The following CROCC2 variants were observed in gnomAD, a reference collection of about 807,000 sequenced individuals.
The protein encoded by CROCC2 is ciliary rootlet coiled-coil protein 2.
CROCC2 carries 163 observed loss-of-function variants against 177.6 expected under a neutral mutation model. The observed-to-expected ratio is 0.92, with a 90% CI of 0.81 to 1.05. The LOEUF (loss-of-function observed/expected upper bound fraction) is 1.05. Among genes scored for constraint, CROCC2 ranks in the 50% least tolerant of loss-of-function variants. The probability of loss-of-function intolerance (pLI) is 0.00; values close to 1 mark genes in which losing one functional copy is unlikely to be tolerated. For missense variants in CROCC2, 1,929 were observed against 1,797.8 expected, an observed-to-expected ratio of 1.07 and a Z score of -1.32; for synonymous variants, 904 against 787.3, an observed-to-expected ratio of 1.15 and a Z score of -2.48.
chr2:240,918,345 C>T lies in CROCC2; in HGVS notation c.79-381C>T, dbSNP rs115930768. ...TGTGAGACCACCTGCTCCAGGTGGG[C>T]GAGGATGTTGGGTTTCTTGTGGAGC... On this transcript the variant is annotated intron_variant, in intron 1 of 31. Coordinates refer to ENST00000690015, the MANE Select transcript of CROCC2 (RefSeq NM_001351305.2). This position sits in a 1 kb window ranked among gnomAD's most constrained non-coding sequence, Gnocchi z 6.3. 2.0e-5 allele frequency among the ~76,000 whole-genome samples: 3 copies of T among 152,298 alleles called. No individual in the cohort carries two copies. The highest frequency in any genetic ancestry group is 2.9e-5 in the Non-Finnish European group (2 of 68,022).
chr2:240,915,549 A>G (rs923497340), intron 1 of CROCC2, among the ~76,000 whole-genome samples: 4 of 152,174 alleles, frequency 2.6e-5, no homozygotes, highest in Non-Finnish European at 5.9e-5. Flanking sequence ...GTCTCTGTTT[A>G]TTGGTGGCAT....
At chr2:240,921,837 GC>G (rs1346446242) in intron 3 of CROCC2, among the ~76,000 whole-genome samples, 2 of 152,224 alleles carry the variant, frequency 1.3e-5, no homozygotes, top group East Asian at 3.9e-4. Flanking sequence ...CACAGCTGAG[GC>G]CCCAGGCCTG....
rs4076341 is a variant in CROCC2 at position 240,906,483 on chromosome 2, A to G, written c.-31A>G. The G allele has an allele frequency of 1.0e-5, 4 of 398,720 alleles. No individual in the cohort carries two copies. Among genetic ancestry groups the G allele is most frequent in the East Asian group, 7.1e-5 (2 of 28,070 alleles). The allele number at this position is 398,720 out of a possible 1,614,324, so 24.7% of individuals were successfully genotyped here. ...AGAACTGCCAGGTAGCAAAGCCCAGACTTCTCTGGGGTCCTGCGCTCTGGG... is the reference window on the plus strand; with the variant it reads ...AGAACTGCCAGGTAGCAAAGCCCAGGCTTCTCTGGGGTCCTGCGCTCTGGG... On this transcript the variant is annotated 5_prime_UTR_variant, in exon 1 of 32. Transcript: ENST00000690015.
intron 19 of CROCC2, 75 bp from the exon 20 acceptor site, chr2:240,959,226 G>C (rs1424577894): frequency 6.8e-7 from 1 of 1,475,606 alleles, no homozygotes; most frequent in Non-Finnish European, 9.0e-7. Flanking sequence ...CTCTCTCCAG[G>C]GTCCTGGCCT....
Position 240,959,409 on chromosome 2 carries a change from G to T in CROCC2, c.3052G>T (p.Asp1018Tyr), listed in dbSNP as rs1456596519. The T allele has an allele frequency of 3.2e-6, 5 of 1,550,394 alleles. No individual in the cohort carries two copies. The highest frequency in any genetic ancestry group is 4.4e-6 in the Non-Finnish European group (5 of 1,146,934). The change falls in exon 20 of 32, where the codon GAC becomes TAC. Residue 1018 changes from aspartate to tyrosine, a missense_variant. By Grantham distance (160) the Asp-to-Tyr change is radical. Transcript: ENST00000690015. Reference protein sequence around the residue: ...ETTALRESLQDLAAERGDVER... With the variant: ...ETTALRESLQYLAAERGDVER... ...CACGGCCCTACGCGAGAGCCTCCAG[G>T]ACCTAGCGGCTGAGCGGGGCGATGT...
chr2:240,966,436 C>G (rs1397136147), intron 25 of CROCC2, 27 bp downstream of exon 25: 3 of 400,070 alleles, frequency 7.5e-6, no homozygotes, highest in Non-Finnish European at 1.3e-5. Context: ...TCCTCCCGCC[C>G]ACGGCGGCAC....
At chr2:240,913,297 C>G (rs577332714) in intron 1 of CROCC2, among the ~76,000 whole-genome samples, 1 of 151,970 alleles carries the variant, frequency 6.6e-6, no homozygotes, top group Non-Finnish European at 1.5e-5. Flanking sequence ...CACATGGACA[C>G]AGTGCCCGGG....
chr2:240,957,941 G>A (rs2059604004), intron 19 of CROCC2: 1 of 983,276 alleles, frequency 1.0e-6, no homozygotes, highest in Non-Finnish European at 1.2e-6. Context: ...CCTGGGAGCT[G>A]ATGCCTCTGG....
intron 1 of CROCC2, among the ~76,000 whole-genome samples, chr2:240,907,018 T>A (rs571453655): frequency 6.6e-6 from 1 of 150,940 alleles, no homozygotes; most frequent in Non-Finnish European, 1.5e-5. Flanking sequence ...TTCAGGTGAC[T>A]GGCGTCCCTG....
Position 240,963,767 on chromosome 2 carries a change from A to G in CROCC2, c.3299A>G (p.Lys1100Arg). ...ACCATCTGCAGGGCCGAACAGGAGA[A>G]GGCCAGGTATGGCGGCCACCCAGGA... is the stretch of plus-strand genomic sequence containing the variant. ...RATICRAEQE[K>R]ASFKRSKEEK... The change falls in exon 21 of 32, where the codon AAG becomes AGG. Residue 1100 changes from lysine (K) to arginine (R), a missense_variant. Coordinates refer to ENST00000690015, the MANE Select transcript of CROCC2 (RefSeq NM_001351305.2). The G allele has an allele frequency of 6.5e-7, 1 of 1,548,600 alleles. No homozygotes were observed. Among genetic ancestry groups the G allele is most frequent in the Non-Finnish European group, 8.7e-7 (1 of 1,145,614 alleles).
intron 24 of CROCC2, 74 bp downstream of exon 24, chr2:240,966,067 C>T (rs1253564776): frequency 4.6e-5 from 60 of 1,296,616 alleles, no homozygotes; most frequent in Non-Finnish European, 5.8e-5. Context: ...TCTTTCAGGC[C>T]TCACAACTCA....
At chr2:240,971,299 G>A (rs1001950826) in intron 27 of CROCC2, among the ~76,000 whole-genome samples, 1 of 152,156 alleles carries the variant, frequency 6.6e-6, no homozygotes, top group African/African-American at 2.4e-5. Flanking sequence ...ACAGGATAAC[G>A]TCAGGGCCAG....
chr2:240,927,191 G>A (rs1411908315), intron 5 of CROCC2, among the ~76,000 whole-genome samples: 4 of 152,146 alleles, frequency 2.6e-5, no homozygotes, highest in East Asian at 1.9e-4. Flanking sequence ...GCTCCTTATC[G>A]AAGTAACATG....
At chr2:240,966,703 G>A (rs1211695676) in intron 25 of CROCC2, among the ~76,000 whole-genome samples, 2 of 152,144 alleles carry the variant, frequency 1.3e-5, no homozygotes, top group Admixed American at 6.5e-5. Flanking sequence ...CCCCTGAAGA[G>A]CTGCCGGGGC....
intron 19 of CROCC2, 134 bp downstream of exon 19, chr2:240,956,106 G>C: frequency 3.0e-6 from 2 of 671,940 alleles, no homozygotes; most frequent in Non-Finnish European, 5.2e-6. Flanking sequence ...GTTTCCCCCA[G>C]GTGCCTCCAG....
intron 14 of CROCC2, among the ~76,000 whole-genome samples, chr2:240,936,222 G>C (rs1017261791): frequency 6.6e-6 from 1 of 152,174 alleles, no homozygotes; most frequent in African/African-American, 2.4e-5. Context: ...TAATAAGTCA[G>C]TGTACAGTAT....
chr2:240,992,100 A>G (rs1378367235), intron 31 of CROCC2, among the ~76,000 whole-genome samples: 1 of 152,194 alleles, frequency 6.6e-6, no homozygotes, highest in East Asian at 1.9e-4. Context: ...CTGGGTTGCT[A>G]TGGAGACCCA....
chr2:240,933,636 A>G, intron 10 of CROCC2, 34 bp from the exon 11 acceptor site: 2 of 1,546,490 alleles, frequency 1.3e-6, no homozygotes, highest in Non-Finnish European at 1.7e-6. Context: ...GAATGTGTCC[A>G]GGGCCGCCCC....
intron 5 of CROCC2, among the ~76,000 whole-genome samples, chr2:240,927,387 T>A (rs938987129): frequency 6.6e-6 from 1 of 152,118 alleles, no homozygotes; most frequent in Non-Finnish European, 1.5e-5. Context: ...CCATCTCCCC[T>A]CCTCTGAGCT....
Sources: allele counts gnomAD v4.1 joint callset (sites outside exome capture counted in the v4.1 genomes callset), GRCh38; gene constraint gnomAD v4.1.1; non-coding constraint Gnocchi (gnomAD v3.1); transcripts MANE v1.5; gene names NCBI Gene and HGNC (gene_info 2026-07-23, HGNC 2026-07-21).